HS6ST2: variants seen among roughly 807,000 people sequenced by gnomAD.
HS6ST2 encodes heparan-sulfate 6-O-sulfotransferase 2.
In HS6ST2, 17 loss-of-function variants were observed where a neutral mutation model predicts 33.0. That is an observed-to-expected ratio of 0.52 (90% CI 0.35 to 0.77). The LOEUF (loss-of-function observed/expected upper bound fraction) is 0.77, where lower values mean the gene tolerates loss of function less well. Among genes scored for constraint, HS6ST2 ranks in the 30% least tolerant of loss-of-function variants. HS6ST2 has a pLI of 0.01. For missense variants in HS6ST2, 519 were observed against 551.7 expected, an observed-to-expected ratio of 0.94 and a Z score of 0.59; for synonymous variants, 248 against 237.1, an observed-to-expected ratio of 1.05 and a Z score of -0.42.
chrX:132,904,890 C>T (rs2066457663), intron 2 of HS6ST2, among the ~76,000 whole-genome samples: 1 of 110,223 alleles, frequency 9.1e-6, no homozygotes, highest in Admixed American at 9.8e-5. Flanking sequence ...AAACTCCATC[C>T]CCACAGTACC....
chrX:132,775,263 A>G (rs1235831914), intron 2 of HS6ST2, among the ~76,000 whole-genome samples: 1 of 111,497 alleles, frequency 9.0e-6, no homozygotes, highest in African/African-American at 3.3e-5. Context: ...TTCAAAACCA[A>G]GTATAAATTC....
intron 2 of HS6ST2, among the ~76,000 whole-genome samples, chrX:132,831,480 C>A (rs1473812280): frequency 9.0e-6 from 1 of 111,159 alleles, no homozygotes; most frequent in African/African-American, 3.3e-5. Context: ...TAGCAACGTG[C>A]GGGCCTCTCC....
intron 3 of HS6ST2, among the ~76,000 whole-genome samples, chrX:132,681,769 G>A (rs951638947): frequency 8.9e-6 from 1 of 112,018 alleles, no homozygotes; most frequent in East Asian, 2.8e-4. Flanking sequence ...TTCAAACAAT[G>A]GTCCTCTGGT....
At chrX:132,643,906 T>C (rs1244730986) in intron 4 of HS6ST2, among the ~76,000 whole-genome samples, 1 of 111,848 alleles carries the variant, frequency 8.9e-6, no homozygotes, top group Non-Finnish European at 1.9e-5. Context: ...TGTGAGGACA[T>C]GTCAATGAGA....
chrX:132,892,114 A>T (rs1047253234), intron 2 of HS6ST2, among the ~76,000 whole-genome samples: 3 of 111,839 alleles, frequency 2.7e-5, no homozygotes, highest in Non-Finnish European at 5.6e-5. Context: ...TGTGGTTTTG[A>T]TTTTTTGTTT....
intron 3 of HS6ST2, among the ~76,000 whole-genome samples, chrX:132,703,425 C>T (rs2064161253): frequency 1.8e-5 from 2 of 112,727 alleles, no homozygotes; most frequent in Non-Finnish European, 3.8e-5. Flanking sequence ...ACAAAATGGT[C>T]TTCAAATATG....
At chrX:132,719,409 G>A (rs2064308256) in intron 2 of HS6ST2, among the ~76,000 whole-genome samples, 1 of 112,002 alleles carries the variant, frequency 8.9e-6, no homozygotes, top group Admixed American at 9.4e-5. Flanking sequence ...GAGGAAAAAG[G>A]TGAGTTGAGA....
intron 2 of HS6ST2, among the ~76,000 whole-genome samples, chrX:132,891,838 A>G (rs967343944): frequency 9.0e-6 from 1 of 111,662 alleles, no homozygotes; most frequent in Non-Finnish European, 1.9e-5. Flanking sequence ...TAGTGCCACA[A>G]CAAACATATG....
chrX:132,819,164 TGAAA>T (rs1240258665), intron 2 of HS6ST2, among the ~76,000 whole-genome samples: 2 of 111,016 alleles, frequency 1.8e-5, no homozygotes, highest in East Asian at 5.7e-4. Context: ...TAGGCCATTA[TGAAA>T]GATTTAGAGG....
intron 2 of HS6ST2, among the ~76,000 whole-genome samples, chrX:132,800,093 G>A (rs754406263): frequency 1.3e-4 from 15 of 111,929 alleles, no homozygotes; most frequent in African/African-American, 4.2e-4. Context: ...GCCATGGACC[G>A]GGTCACACAG....
intron 4 of HS6ST2, among the ~76,000 whole-genome samples, chrX:132,643,634 G>T (rs1423219711): frequency 9.0e-6 from 1 of 111,417 alleles, no homozygotes; most frequent in Non-Finnish European, 1.9e-5. Flanking sequence ...GCACAGAAGG[G>T]ACCCAAAACC....
intron 4 of HS6ST2, among the ~76,000 whole-genome samples, chrX:132,663,573 G>T (rs745442764): frequency 8.9e-5 from 10 of 112,842 alleles, no homozygotes; most frequent in African/African-American, 3.2e-4. Flanking sequence ...GAAAAAATAA[G>T]CAGTAATATT....
chrX:132,661,882 G>A (rs2063776733), intron 4 of HS6ST2, among the ~76,000 whole-genome samples: 1 of 110,866 alleles, frequency 9.0e-6, no homozygotes, highest in South Asian at 3.9e-4. Flanking sequence ...AATTAGCCAG[G>A]CATGGTGGCA....
chrX:132,670,528 G>A (rs12014442), intron 3 of HS6ST2, among the ~76,000 whole-genome samples: 4,825 of 111,995 alleles, frequency 0.043, 253 homozygotes, highest in African/African-American at 0.15. Flanking sequence ...GGCTGGGCGC[G>A]GTGGCTCATG....
intron 2 of HS6ST2, among the ~76,000 whole-genome samples, chrX:132,906,119 A>G (rs2066472726): frequency 8.9e-6 from 1 of 112,705 alleles, no homozygotes; most frequent in Non-Finnish European, 1.9e-5. Context: ...GGGGAGAATT[A>G]CCAGTTTTAT....
chrX:132,660,200 C>T (rs2063761202), intron 4 of HS6ST2, among the ~76,000 whole-genome samples: 1 of 111,762 alleles, frequency 8.9e-6, no homozygotes, highest in African/African-American at 3.3e-5. Context: ...GCTGTATCCC[C>T]AGAGCCTAGA....
intron 2 of HS6ST2, among the ~76,000 whole-genome samples, chrX:132,956,602 G>A (rs1330517306): frequency 8.9e-6 from 1 of 112,739 alleles, no homozygotes; most frequent in Non-Finnish European, 1.9e-5. Flanking sequence ...CAGACAGACG[G>A]TCAGTCCGGG....
chrX:132,863,321 A>G (rs944178809), intron 2 of HS6ST2, among the ~76,000 whole-genome samples: 4 of 110,502 alleles, frequency 3.6e-5, no homozygotes, highest in Non-Finnish European at 5.7e-5. Flanking sequence ...CTTTTATTAC[A>G]TATTTATTTA....
At chrX:132,833,028 G>T (rs766881150) in intron 2 of HS6ST2, among the ~76,000 whole-genome samples, 6 of 111,420 alleles carry the variant, frequency 5.4e-5, no homozygotes, top group Non-Finnish European at 1.1e-4. Context: ...TTATAGATTT[G>T]TCTATTGTTG....
Sources: allele counts gnomAD v4.1 joint callset (sites outside exome capture counted in the v4.1 genomes callset), GRCh38; gene constraint gnomAD v4.1.1; transcripts MANE v1.5; gene names NCBI Gene and HGNC (gene_info 2026-07-23, HGNC 2026-07-21).